Variants in LANCL3 observed in about 807,000 individuals in gnomAD.
LANCL3 encodes the protein LanC like family member 3, also known as lanC-like protein 3.
In LANCL3, 19 loss-of-function variants were observed where a neutral mutation model predicts 26.5. That is an observed-to-expected ratio of 0.72 (90% confidence interval 0.50 to 1.05). The LOEUF (loss-of-function observed/expected upper bound fraction) is 1.05. LANCL3 is among the 50% of genes least tolerant of loss of function. LANCL3 has a pLI of 0.00. For missense variants in LANCL3, 318 were observed against 362.7 expected (o/e 0.88, Z 1.00); for synonymous variants, 160 against 166.6 (o/e 0.96, Z 0.30).
At chrX:37,630,181 G>T (rs1176273680) in intron 1 of LANCL3, among the ~76,000 whole-genome samples, 2 of 110,205 alleles carry the variant, frequency 1.8e-5, no homozygotes, top group Admixed American at 9.7e-5. Context: ...TTGTAAGTTG[G>T]ATTCCTAGGT....
intron 1 of LANCL3, among the ~76,000 whole-genome samples, chrX:37,634,514 A>T (rs1005960520): frequency 5.3e-5 from 6 of 112,684 alleles, no homozygotes; most frequent in Admixed American, 3.7e-4. Context: ...GGAAATGCAG[A>T]AATCACCCAT....
At chrX:37,646,974 A>C (rs17145926) in intron 1 of LANCL3, among the ~76,000 whole-genome samples, 33,667 of 110,841 alleles carry the variant, frequency 0.3, 5,432 homozygotes, top group African/African-American at 0.64. Context: ...TTTATTCGGA[A>C]CTATCCTTCA....
intron 1 of LANCL3, among the ~76,000 whole-genome samples, chrX:37,648,649 G>T (rs182701457): frequency 1.8e-5 from 2 of 111,930 alleles, no homozygotes; most frequent in East Asian, 5.6e-4. Context: ...CACAGCAAAA[G>T]AAACTTTCAT....
chrX:37,590,847 C>T (rs1250698803), intron 1 of LANCL3, among the ~76,000 whole-genome samples: 1 of 111,643 alleles, frequency 9.0e-6, no homozygotes, highest in Admixed American at 9.5e-5. Flanking sequence ...GGCTCCACTC[C>T]CTAAATTTCT....
intron 1 of LANCL3, among the ~76,000 whole-genome samples, chrX:37,635,778 C>T (rs1388093433): frequency 1.8e-5 from 2 of 110,313 alleles, no homozygotes; most frequent in Admixed American, 1.9e-4. Flanking sequence ...TCACTATGTA[C>T]CCTATGAATA....
At chrX:37,587,179 G>A (rs782067507) in intron 1 of LANCL3, among the ~76,000 whole-genome samples, 5 of 112,540 alleles carry the variant, frequency 4.4e-5, no homozygotes, top group East Asian at 2.8e-4. Flanking sequence ...AGGGGTACCC[G>A]GCTGTGTGAG....
At chrX:37,578,180 C>T (rs1556416622) in intron 1 of LANCL3, among the ~76,000 whole-genome samples, 6 of 112,314 alleles carry the variant, frequency 5.3e-5, no homozygotes, top group Non-Finnish European at 1.9e-5. Flanking sequence ...CCCCCTGCAT[C>T]TTTTTCTAAA....
intron 1 of LANCL3, among the ~76,000 whole-genome samples, chrX:37,644,910 T>A (rs890353807): frequency 1.5e-4 from 17 of 112,097 alleles, no homozygotes; most frequent in African/African-American, 5.5e-4. Context: ...GGCATTGGGA[T>A]TTTTAAAAGC....
rs1926974390 is a variant in LANCL3, at chrX:37,682,988, TA to T, written c.*7181del. ...CCAATGGCTCTAAATTAACAAACATTAAAAAATGGATTTCGTAGAATCAAAT... is the reference window on the plus strand; with the variant it reads ...CCAATGGCTCTAAATTAACAAACATTAAAAATGGATTTCGTAGAATCAAAT... On this transcript the variant is annotated 3_prime_UTR_variant, in exon 5 of 5. Transcript: ENST00000378619. 8.9e-6 allele frequency: 1 copy of T among 111,868 alleles called. No individual in the cohort carries two copies. Among genetic ancestry groups the T allele is most frequent in the Admixed American group, 9.5e-5 (1 of 10,536 alleles). The allele number at this position is 111,868 out of a possible 1,213,427, so 9.2% of individuals were successfully genotyped here.
At chrX:37,657,438 C>T (rs1268718040) in intron 2 of LANCL3, among the ~76,000 whole-genome samples, 8 of 111,404 alleles carry the variant, frequency 7.2e-5, no homozygotes, top group Admixed American at 4.8e-4. Context: ...TCATAGCTCA[C>T]GCAACCTCGA....
intron 1 of LANCL3, among the ~76,000 whole-genome samples, chrX:37,573,451 T>C (rs1200873154): frequency 3.6e-5 from 4 of 111,967 alleles, no homozygotes; most frequent in African/African-American, 1.3e-4. Context: ...GTAATTAACT[T>C]AGATCACCTC....
At chrX:37,611,850 G>C (rs1477397488) in intron 1 of LANCL3, among the ~76,000 whole-genome samples, 3 of 112,285 alleles carry the variant, frequency 2.7e-5, no homozygotes, top group Non-Finnish European at 5.6e-5. Context: ...TGTGGATTAG[G>C]TGACATAGAA....
At chrX:37,640,414 A>G (rs1011340708) in intron 1 of LANCL3, among the ~76,000 whole-genome samples, 1 of 111,344 alleles carries the variant, frequency 9.0e-6, no homozygotes, top group Non-Finnish European at 1.9e-5. Flanking sequence ...GCCCGCCCCC[A>G]TGATTCAATC....
chrX:37,624,283 C>T (rs782566286), intron 1 of LANCL3, among the ~76,000 whole-genome samples: 1 of 111,740 alleles, frequency 8.9e-6, no homozygotes, highest in Admixed American at 9.5e-5. Flanking sequence ...AATGGTAGCT[C>T]ATTTTAATTT....
intron 3 of LANCL3, among the ~76,000 whole-genome samples, chrX:37,660,926 T>C: frequency 9.1e-6 from 1 of 110,438 alleles, no homozygotes; most frequent in Non-Finnish European, 1.9e-5. Context: ...CCAGTATCCA[T>C]GCATTGTGTG....
At chrX:37,603,176 A>G (rs193109362) in intron 1 of LANCL3, among the ~76,000 whole-genome samples, 28 of 112,434 alleles carry the variant, frequency 2.5e-4, no homozygotes, top group African/African-American at 8.7e-4. Context: ...TGCTTCCAAA[A>G]GAAAATGTGA....
Position 37,650,721 on chromosome X carries a change from ACT to A in LANCL3, c.574-4962_574-4961del, listed in dbSNP as rs782377569. Among the ~76,000 whole-genome samples, 28 of 98,972 alleles carry A rather than the reference ACT, an allele frequency of 2.8e-4. No homozygotes were observed. In the East Asian group the frequency reaches 8.1e-3, roughly 29 times the overall value. The allele number at this position is 98,972 out of a possible 115,157, so 85.9% of individuals were successfully genotyped here. A position where few individuals can be genotyped will look rare whatever the true frequency, so the allele number is the denominator to read the frequency against. ...AGCATATCTGCTGCAGTCTCCTTTCACTCTCTTTTTTTTTTCTCTTTTTTTTT... is the reference window on the plus strand; with the variant it reads ...AGCATATCTGCTGCAGTCTCCTTTCACTCTTTTTTTTTTCTCTTTTTTTTT... On this transcript the variant is annotated intron_variant, in intron 1 of 4. Transcript: ENST00000378619.
chrX:37,607,280 G>T (rs1285008648), intron 1 of LANCL3, among the ~76,000 whole-genome samples: 1 of 112,033 alleles, frequency 8.9e-6, no homozygotes, highest in Non-Finnish European at 1.9e-5. Flanking sequence ...CCTAGTATCA[G>T]TGACTCTTTA....
intron 1 of LANCL3, among the ~76,000 whole-genome samples, chrX:37,608,263 G>A (rs1924770615): frequency 8.9e-6 from 1 of 112,021 alleles, no homozygotes; most frequent in Admixed American, 9.5e-5. Flanking sequence ...TCAATTTTAT[G>A]TTTTAAGGCA....
Sources: allele counts gnomAD v4.1 joint callset (sites outside exome capture counted in the v4.1 genomes callset), GRCh38; gene constraint gnomAD v4.1.1; transcripts MANE v1.5; gene names NCBI Gene and HGNC (gene_info 2026-07-23, HGNC 2026-07-21).